TBC1D22A: variants seen among roughly 807,000 people sequenced by gnomAD.
TBC1D22A encodes the protein TBC1 domain family member 22A.
TBC1D22A carries 38 observed loss-of-function variants against 60.2 expected under a neutral mutation model. The ratio of observed to expected loss-of-function variants is 0.63; its 90% confidence interval spans 0.49 to 0.83. TBC1D22A has a LOEUF of 0.83. Among genes scored for constraint, TBC1D22A ranks in the 40% least tolerant of loss-of-function variants. The pLI, the probability that TBC1D22A is intolerant of heterozygous loss-of-function variation, is 0.00. For synonymous variants in TBC1D22A, 302 were observed against 281.7 expected (o/e 1.07, Z -0.72); for missense variants, 628 against 701.0 (o/e 0.90, Z 1.18).
At chr22:46,847,942 T>TGTGTGTGTGTGC (rs1156839254) in intron 4 of TBC1D22A, among the ~76,000 whole-genome samples, 3 of 125,148 alleles carry the variant, frequency 2.4e-5, no homozygotes, top group Non-Finnish European at 5.2e-5. Context: ...TGTGTGTGTG[T>TGTGTGTGTGTGC]GTGTGTGTGT....
chr22:46,944,377 A>G (rs565314500), intron 8 of TBC1D22A, among the ~76,000 whole-genome samples: 10 of 152,274 alleles, frequency 6.6e-5, no homozygotes, highest in African/African-American at 2.2e-4. Context: ...CTTTAAATCT[A>G]TTTTACTTGC....
At chr22:47,137,388 C>T (rs1437563487) in intron 12 of TBC1D22A, among the ~76,000 whole-genome samples, 3 of 152,150 alleles carry the variant, frequency 2.0e-5, no homozygotes, top group Non-Finnish European at 2.9e-5. Flanking sequence ...GGTGGCGTCC[C>T]GGCCCTGTCA....
intron 4 of TBC1D22A, among the ~76,000 whole-genome samples, chr22:46,826,097 G>A (rs1032032233): frequency 6.6e-6 from 1 of 151,904 alleles, no homozygotes. Context: ...TAGCCATGAT[G>A]GTCTCGATCT....
At chr22:47,138,940 A>G (rs1260071498) in intron 12 of TBC1D22A, among the ~76,000 whole-genome samples, 1 of 152,160 alleles carries the variant, frequency 6.6e-6, no homozygotes, top group Non-Finnish European at 1.5e-5. Context: ...GCTTCCTAAT[A>G]CTACCACCTT....
intron 4 of TBC1D22A, among the ~76,000 whole-genome samples, chr22:46,822,689 C>A (rs2085882487): frequency 6.6e-6 from 1 of 152,166 alleles, no homozygotes; most frequent in Non-Finnish European, 1.5e-5. Context: ...TATAGGGTAT[C>A]TGATAACCCC....
chr22:46,972,371 A>G (rs1254401411), intron 8 of TBC1D22A, among the ~76,000 whole-genome samples: 1 of 152,138 alleles, frequency 6.6e-6, no homozygotes, highest in African/African-American at 2.4e-5. Context: ...CTGTGTCCAC[A>G]TTACCCCTTG....
At chr22:46,965,762 G>A (rs1339633030) in intron 8 of TBC1D22A, among the ~76,000 whole-genome samples, 1 of 152,210 alleles carries the variant, frequency 6.6e-6, no homozygotes, top group East Asian at 1.9e-4. Context: ...CCTGGTGTGG[G>A]GTTTCGTGAT....
chr22:46,853,879 A>G (rs2087423443), intron 4 of TBC1D22A, among the ~76,000 whole-genome samples: 1 of 152,176 alleles, frequency 6.6e-6, no homozygotes, highest in African/African-American at 2.4e-5. Flanking sequence ...AAAGCACATG[A>G]GACTCTTTTC....
chr22:47,109,698 G>A (rs991742940), intron 11 of TBC1D22A, among the ~76,000 whole-genome samples: 1 of 152,094 alleles, frequency 6.6e-6, no homozygotes, highest in South Asian at 2.1e-4. Context: ...TGGCAACTTC[G>A]CCCTTCCAGT....
At chr22:47,050,781 C>T (rs544293938) in intron 11 of TBC1D22A, among the ~76,000 whole-genome samples, 26 of 151,992 alleles carry the variant, frequency 1.7e-4, no homozygotes, top group African/African-American at 5.3e-4. Flanking sequence ...GGGTGAAGTG[C>T]GCATCGGTGG....
Position 46,891,527 on chromosome 22 carries a change from G to T in TBC1D22A, c.837+133G>T, listed in dbSNP as rs141681635. 8.3e-4 allele frequency: 750 copies of T among 904,938 alleles called. 3 individuals carry two copies. In the African/African-American group the frequency reaches 0.012, roughly 15 times the overall value. 56.1% of individuals were successfully genotyped at this position (904,938 alleles called of 1,614,324 possible). ...GATGCAGGTCCCTGATTAGCTCACA[G>T]ATTTTTATTTTCTAATAAATAAATT... On this transcript the variant is annotated intron_variant, in intron 6 of 12. Transcript: ENST00000337137.
intron 7 of TBC1D22A, among the ~76,000 whole-genome samples, chr22:46,903,542 C>T (rs923330445): frequency 4.4e-4 from 67 of 152,272 alleles, no homozygotes; most frequent in African/African-American, 1.4e-3. Context: ...CTGCTCTGAG[C>T]GTGAGTCTAG....
rs528936614 is a variant in TBC1D22A, at chr22:46,918,886, C to T, written c.1015+6698C>T. Among the ~76,000 whole-genome samples the T allele has an allele frequency of 8.5e-5, 13 of 152,236 alleles. No individual in the cohort carries two copies. In the South Asian group the frequency reaches 2.5e-3, roughly 29 times the overall value. On this transcript the variant is annotated intron_variant, in intron 8 of 12. Coordinates refer to ENST00000337137, the MANE Select transcript of TBC1D22A (RefSeq NM_014346.5). ...TCAACAAAATTGTCCGAAGAACCCG[C>T]GTGCCCGTCATCTGACTCCAGCAGT... is the stretch of plus-strand genomic sequence containing the variant.
chr22:46,837,746 A>G (rs555458279), intron 4 of TBC1D22A, among the ~76,000 whole-genome samples: 7 of 152,336 alleles, frequency 4.6e-5, no homozygotes, highest in African/African-American at 1.7e-4. Flanking sequence ...AGGAAAGTTT[A>G]TAGTGATAAG....
At chr22:46,949,806 C>T (rs1184207001) in intron 8 of TBC1D22A, among the ~76,000 whole-genome samples, 1 of 152,178 alleles carries the variant, frequency 6.6e-6, no homozygotes, top group African/African-American at 2.4e-5. Flanking sequence ...CTCACTGAGC[C>T]GGTCAGCAGT....
intron 12 of TBC1D22A, among the ~76,000 whole-genome samples, chr22:47,170,290 C>T (rs551043361): frequency 1.3e-5 from 2 of 152,048 alleles, no homozygotes; most frequent in South Asian, 2.1e-4. Flanking sequence ...GGTGAGTTAC[C>T]GTAATGGGAG....
chr22:46,965,509 G>A (rs1887235105), intron 8 of TBC1D22A, among the ~76,000 whole-genome samples: 1 of 152,256 alleles, frequency 6.6e-6, no homozygotes. Flanking sequence ...TTGTTTTGCA[G>A]AATGCATTCG....
chr22:46,892,745 T>TA (rs1357434867), intron 6 of TBC1D22A, among the ~76,000 whole-genome samples: 2 of 152,250 alleles, frequency 1.3e-5, no homozygotes, highest in African/African-American at 4.8e-5. Context: ...CTGCGAGTTT[T>TA]ACCAAGTGGA....
intron 8 of TBC1D22A, among the ~76,000 whole-genome samples, chr22:46,916,311 A>G (rs535453641): frequency 6.6e-6 from 1 of 152,186 alleles, no homozygotes; most frequent in Non-Finnish European, 1.5e-5. Flanking sequence ...GCAATGCTCA[A>G]GCTGTGTGGA....
Sources: allele counts gnomAD v4.1 joint callset (sites outside exome capture counted in the v4.1 genomes callset), GRCh38; gene constraint gnomAD v4.1.1; transcripts MANE v1.5; gene names NCBI Gene and HGNC (gene_info 2026-07-23, HGNC 2026-07-21).